The following UGT1A3 variants were observed in gnomAD, a reference collection of about 807,000 sequenced individuals.
The protein encoded by UGT1A3 is UDP glucuronosyltransferase family 1 member A3.
In UGT1A3, 31 loss-of-function variants were observed where a neutral mutation model predicts 41.0. That is an observed-to-expected ratio of 0.76 (90% CI 0.57 to 1.02). UGT1A3 has a LOEUF of 1.02. Among genes scored for constraint, UGT1A3 ranks in the 50% least tolerant of loss-of-function variants. The probability of loss-of-function intolerance (pLI) is 0.00; values close to 1 mark genes in which losing one functional copy is unlikely to be tolerated. For synonymous variants in UGT1A3, 262 were observed against 257.6 expected (o/e 1.02, Z -0.17); for missense variants, 737 against 671.0 (o/e 1.10, Z -1.09).
chr2:233,754,897 C>T (rs779851030), intron 1 of UGT1A3: 5 of 1,351,174 alleles, frequency 3.7e-6, no homozygotes, highest in Non-Finnish European at 5.0e-6. Context: ...TTCCTCTGAC[C>T]CCCCAAAATA....
In UGT1A3 at chr2:233,742,835, A is replaced by G. The variant is rs1692114452; in HGVS notation, c.867+12842A>G. 10 of 157,840 alleles carry G rather than the reference A, an allele frequency of 6.3e-5. No individual in the cohort carries two copies. In the South Asian group the frequency reaches 1.7e-3, roughly 27 times the overall value. 9.8% of individuals were successfully genotyped at this position (157,840 alleles called of 1,614,324 possible). A position where few individuals can be genotyped will look rare whatever the true frequency, so the allele number is the denominator to read the frequency against. ...TATTATTTGTAGATTTCACCACTAC[A>G]CACTAAACAATAAAGTCAAATGATT... On this transcript the variant is annotated intron_variant, in intron 1 of 4. Coordinates refer to ENST00000482026, the MANE Select transcript of UGT1A3 (RefSeq NM_019093.4).
In UGT1A3 at chr2:233,738,243, A is replaced by C. The variant is rs57963849; in HGVS notation, c.867+8250A>C. Among the ~76,000 whole-genome samples, 1,478 of 152,302 alleles carry C rather than the reference A, an allele frequency of 9.7e-3. 33 individuals are homozygous for C. The highest frequency in any genetic ancestry group is 0.033 in the African/African-American group (1,387 of 41,562). On this transcript the variant is annotated intron_variant, in intron 1 of 4. Coordinates refer to ENST00000482026, the MANE Select transcript of UGT1A3 (RefSeq NM_019093.4). Reference sequence around the variant, plus strand: ...AGTTTCCTGAGGCCCCTCCAGCCACATGGAACTGGAGTCAATTAAAGCTCT... The same window carrying C: ...AGTTTCCTGAGGCCCCTCCAGCCACCTGGAACTGGAGTCAATTAAAGCTCT...
intron 1 of UGT1A3, among the ~76,000 whole-genome samples, chr2:233,764,766 A>C (rs1389982241): frequency 6.6e-6 from 1 of 152,156 alleles, no homozygotes; most frequent in Non-Finnish European, 1.5e-5. Flanking sequence ...CTAGGGAGGA[A>C]GGAGTTCAGA....
chr2:233,769,493 G>C lies in UGT1A3; in HGVS notation c.1307+1054G>C, dbSNP rs1230643911. 1 of 1,612,700 alleles carries C rather than the reference G, an allele frequency of 6.2e-7. No homozygotes were observed. Among genetic ancestry groups the C allele is most frequent in the Admixed American group, 1.7e-5 (1 of 60,004 alleles). On this transcript the variant is annotated intron_variant, in intron 4 of 4. Coordinates refer to ENST00000482026, the MANE Select transcript of UGT1A3 (RefSeq NM_019093.4). This position sits in a 1 kb window ranked among gnomAD's most constrained non-coding sequence, Gnocchi z 4.4. ...TGTGTGTGTGTGCGTGTGTTTATGA[G>C]AGTGTCCATTGCTTTCTCCCATGGT... is the stretch of plus-strand genomic sequence containing the variant.
rs1697701353 is a variant in UGT1A3, at chr2:233,761,179, G to A, written c.868-5855G>A. ...GTGTATTGGAGTGGGACTTTTACAT[G>A]CGTATATTCTTTCAGATGTATTACT... On this transcript the variant is annotated intron_variant, in intron 1 of 4. Transcript: ENST00000482026. 3 of 1,614,024 alleles carry A rather than the reference G, an allele frequency of 1.9e-6. No individual in the cohort carries two copies. In the South Asian group the frequency reaches 3.3e-5, roughly 18 times the overall value.
At chr2:233,740,062 C>A (rs6740653) in intron 1 of UGT1A3, among the ~76,000 whole-genome samples, 5,128 of 151,886 alleles carry the variant, frequency 0.034, 157 homozygotes, top group African/African-American at 0.051. Context: ...TACTCACAAG[C>A]TTTTCCTCTC....
Position 233,729,866 on chromosome 2 carries a change from A to C in UGT1A3, c.740A>C (p.Asp247Ala), listed in dbSNP as rs1305518931. ...ELFQREVSVVDILSHASVWLF... is the reference protein window; with the variant it reads ...ELFQREVSVVAILSHASVWLF... ...TTTCAGAGAGAGGTGTCAGTGGTGG[A>C]TATTCTCAGTCATGCATCTGTGTGG... is the stretch of plus-strand genomic sequence containing the variant. Residue 247 changes from aspartate to alanine, a missense_variant, in exon 1 of 5, where the codon GAT becomes GCT. Physicochemically the swap from Asp to Ala is moderately radical, Grantham distance 126. Coordinates refer to ENST00000482026, the MANE Select transcript of UGT1A3 (RefSeq NM_019093.4). 8 of 1,613,728 alleles carry C rather than the reference A, an allele frequency of 5.0e-6. No individual in the cohort carries two copies. The highest frequency in any genetic ancestry group is 5.9e-6 in the Non-Finnish European group (7 of 1,179,834).
At chr2:233,748,134 A>G (rs747605529) in intron 1 of UGT1A3, 15 of 1,609,728 alleles carry the variant, frequency 9.3e-6, no homozygotes, top group Non-Finnish European at 1.3e-5. Flanking sequence ...GTTTTTAAAA[A>G]TTGTATTTAC....
rs773213473 is a variant in UGT1A3 at position 233,743,806 on chromosome 2, C to T, written c.867+13813C>T. 2.9e-6 allele frequency: 4 copies of T among 1,367,218 alleles called. No individual in the cohort carries two copies. The South Asian group carries it at 4.5e-5, about 16-fold the overall frequency. The allele number at this position is 1,367,218 out of a possible 1,614,324, so 84.7% of individuals were successfully genotyped here. On this transcript the variant is annotated intron_variant, in intron 1 of 4. Coordinates refer to ENST00000482026, the MANE Select transcript of UGT1A3 (RefSeq NM_019093.4). ...ATCTCCTCTCCGCTTCCTCCTTGTT[C>T]TCAGGGTTTTTGTCGGGGTGCCACT...
chr2:233,747,371 C>T (rs757857857), intron 1 of UGT1A3: 1 of 1,604,152 alleles, frequency 6.2e-7, no homozygotes, highest in East Asian at 2.2e-5. Flanking sequence ...AGCTCCATGC[C>T]AGAGGCCACC....
In UGT1A3 at chr2:233,769,639, C is replaced by T; in HGVS notation, c.1307+1200C>T. 2.5e-6 allele frequency: 4 copies of T among 1,609,972 alleles called. No homozygotes were observed. The highest frequency in any genetic ancestry group is 1.3e-5 in the African/African-American group (1 of 75,022). The stretch of plus-strand genomic sequence containing the variant: ...TTGAGCAAGGGACAACAGGGGAGGA[C>T]TGATGACTGACTTCCCACCTTTGAG... On this transcript the variant is annotated intron_variant, in intron 4 of 4. Transcript: ENST00000482026. This position sits in a 1 kb window ranked among gnomAD's most constrained non-coding sequence, Gnocchi z 4.4.
At chr2:233,745,396 T>A (rs1020698339) in intron 1 of UGT1A3, among the ~76,000 whole-genome samples, 1 of 151,856 alleles carries the variant, frequency 6.6e-6, no homozygotes, top group Non-Finnish European at 1.5e-5. Flanking sequence ...TATTCTCTTT[T>A]TGACACTGGA....
chr2:233,731,432 C>T (rs2078159298), intron 1 of UGT1A3, among the ~76,000 whole-genome samples: 1 of 152,116 alleles, frequency 6.6e-6, no homozygotes, highest in Non-Finnish European at 1.5e-5. Flanking sequence ...CCATCCCTCC[C>T]CCAGTCCCCC....
intron 1 of UGT1A3, chr2:233,760,792 G>C (rs1185395607): frequency 6.2e-7 from 1 of 1,613,510 alleles, no homozygotes. Flanking sequence ...TCTGCCCACT[G>C]TATTCTTCTT....
rs1003147991 is a variant in UGT1A3 at position 233,772,600 on chromosome 2, T to C, written c.*41T>C. 1 of 1,591,692 alleles carries C rather than the reference T, an allele frequency of 6.3e-7. No homozygotes were observed. The highest frequency in any genetic ancestry group is 8.6e-7 in the Non-Finnish European group (1 of 1,168,178). ...TAAGGTAAAATTTTGAACCATTCCC[T>C]AGTCATTTCCAAACTTGAAAACAGA... On this transcript the variant is annotated 3_prime_UTR_variant, in exon 5 of 5. Coordinates refer to ENST00000482026, the MANE Select transcript of UGT1A3 (RefSeq NM_019093.4).
chr2:233,769,111 C>T lies in UGT1A3; in HGVS notation c.1307+672C>T, dbSNP rs899905689. Among the ~76,000 whole-genome samples the T allele has an allele frequency of 3.9e-5, 6 of 152,132 alleles. No homozygotes were observed. Among genetic ancestry groups the T allele is most frequent in the African/African-American group, 1.4e-4 (6 of 41,418 alleles). ...CATAGTATCTTTAAGAGAAAAACAACTCAAATGCTTAGAAGTACAGCTTTT... is the reference window on the plus strand; with the variant it reads ...CATAGTATCTTTAAGAGAAAAACAATTCAAATGCTTAGAAGTACAGCTTTT... On this transcript the variant is annotated intron_variant, in intron 4 of 4. Coordinates refer to ENST00000482026, the MANE Select transcript of UGT1A3 (RefSeq NM_019093.4). This position sits in a 1 kb window ranked among gnomAD's most constrained non-coding sequence, Gnocchi z 4.4.
At chr2:233,766,980 A>G (rs1699299686) in intron 1 of UGT1A3, 54 bp from the exon 2 acceptor site, 14 of 1,612,720 alleles carry the variant, frequency 8.7e-6, no homozygotes, top group Non-Finnish European at 1.1e-5. Flanking sequence ...TACTGTATGT[A>G]GTCATCAAAG....
At chr2:233,747,723 T>C in intron 1 of UGT1A3, 1 of 1,612,498 alleles carries the variant, frequency 6.2e-7, no homozygotes, top group Non-Finnish European at 8.5e-7. Flanking sequence ...TCCTGCTGTG[T>C]TTTTTTTGAG....
intron 1 of UGT1A3, among the ~76,000 whole-genome samples, chr2:233,735,242 T>G (rs989843667): frequency 6.6e-6 from 1 of 152,236 alleles, no homozygotes; most frequent in African/African-American, 2.4e-5. Flanking sequence ...CTCTTGTTGT[T>G]GAATTGCTCC....
Sources: allele counts gnomAD v4.1 joint callset (sites outside exome capture counted in the v4.1 genomes callset), GRCh38; gene constraint gnomAD v4.1.1; non-coding constraint Gnocchi (gnomAD v3.1); transcripts MANE v1.5; gene names NCBI Gene and HGNC (gene_info 2026-07-23, HGNC 2026-07-21).